ATAD2B: variants seen among roughly 807,000 people sequenced by gnomAD.
The protein encoded by ATAD2B is ATPase family AAA domain-containing protein 2B.
ATAD2B carries 40 observed loss-of-function variants against 167.6 expected under a neutral mutation model. The observed-to-expected ratio is 0.24, with a 90% CI of 0.19 to 0.31. ATAD2B has a LOEUF of 0.31. ATAD2B is among the 10% of genes least tolerant of loss of function. The probability of loss-of-function intolerance (pLI) is 1.00; values close to 1 mark genes in which losing one functional copy is unlikely to be tolerated. For synonymous variants in ATAD2B, 579 were observed against 596.5 expected (o/e 0.97, Z 0.43); for missense variants, 1,242 against 1,757.2 (o/e 0.71, Z 5.24).
chr2:23,804,506 A>T (rs1469498260), intron 18 of ATAD2B, among the ~76,000 whole-genome samples: 1 of 152,110 alleles, frequency 6.6e-6, no homozygotes, highest in African/African-American at 2.4e-5. Context: ...AAATACAACC[A>T]AAATGATAGT....
chr2:23,813,290 TTTATAAGTCATATAAATTA>T (rs1685904349), intron 17 of ATAD2B, among the ~76,000 whole-genome samples: 1 of 127,442 alleles, frequency 7.8e-6, no homozygotes, highest in Admixed American at 9.0e-5. Flanking sequence ...TTATAAAATA[TTTATAAGTCATATAAATTA>T]TGTTGTTATT....
chr2:23,907,715 A>T (rs1331616609), intron 1 of ATAD2B, among the ~76,000 whole-genome samples: 1 of 152,246 alleles, frequency 6.6e-6, no homozygotes, highest in Non-Finnish European at 1.5e-5. Flanking sequence ...AGCTGGAGGC[A>T]TCACACTACG....
intron 1 of ATAD2B, among the ~76,000 whole-genome samples, chr2:23,914,767 C>T (rs191980218): frequency 9.3e-5 from 14 of 150,470 alleles, no homozygotes; most frequent in Admixed American, 4.7e-4. Flanking sequence ...GCGTGAACCC[C>T]GGGGGGCGGA....
rs543525250 is a variant in ATAD2B, at chr2:23,832,296, C to G, written c.1728+1623G>C. The stretch of plus-strand genomic sequence containing the variant: ...CTATTTAAGGGAAAAAGGTAAACAG[C>G]CAGCATAGGCCTTTCCACAGACCCA... On this transcript the variant is annotated intron_variant, in intron 14 of 27. Coordinates refer to ENST00000238789, the MANE Select transcript of ATAD2B (RefSeq NM_017552.4). 3 of 458,974 alleles carry G rather than the reference C, an allele frequency of 6.5e-6. No individual in the cohort carries two copies. The Admixed American group carries it at 7.4e-5, about 11-fold the overall frequency. 28.4% of individuals were successfully genotyped at this position (458,974 alleles called of 1,614,324 possible). A position where few individuals can be genotyped will look rare whatever the true frequency, so the allele number is the denominator to read the frequency against.
intron 18 of ATAD2B, among the ~76,000 whole-genome samples, chr2:23,801,631 C>A (rs1163195953): frequency 6.6e-6 from 1 of 152,030 alleles, no homozygotes; most frequent in African/African-American, 2.4e-5. Flanking sequence ...CATTTTGATT[C>A]TTTATTACAA....
chr2:23,695,565 T>C, the ATAD2B span: 1 of 1,230,610 alleles, frequency 8.1e-7, no homozygotes, highest in Non-Finnish European at 1.1e-6. The surrounding 1 kb of genome is among the most constrained non-coding windows in gnomAD (Gnocchi z 7.6). Context: ...TTTCTTTCCG[T>C]CCGGGAGGTG....
In ATAD2B at chr2:23,758,035, A is replaced by G. The variant is rs1676153470; in HGVS notation, c.3461T>C (p.Val1154Ala). 6.2e-7 allele frequency: 1 copy of G among 1,608,284 alleles called. No individual in the cohort carries two copies. Among genetic ancestry groups the G allele is most frequent in the African/African-American group, 1.3e-5 (1 of 74,400 alleles). ...WGKGIIKKRK[V>A]NNLKKDEEDT... ...TTCTTCATCTTTTTTTAAATTATTA[A>G]CTTTCCTTTTCTTAATAATTCCTTT... Residue 1154 changes from valine (V) to alanine (A), a missense_variant, in exon 25 of 28, where the codon GTT (valine) becomes GCT (alanine). Transcript: ENST00000238789.
intron 1 of ATAD2B, among the ~76,000 whole-genome samples, chr2:23,911,993 A>T (rs1221480335): frequency 6.6e-6 from 1 of 151,888 alleles, no homozygotes; most frequent in Non-Finnish European, 1.5e-5. Flanking sequence ...AAAAAAAAAA[A>T]AGTAGAAGAT....
At chr2:23,771,082 T>C (rs1334235601) in intron 22 of ATAD2B, among the ~76,000 whole-genome samples, 2 of 152,238 alleles carry the variant, frequency 1.3e-5, no homozygotes, top group Non-Finnish European at 2.9e-5. Context: ...ATGTTATTTT[T>C]TGATGTTATT....
At chr2:23,915,185 AAAT>A (rs917078733) in intron 1 of ATAD2B, among the ~76,000 whole-genome samples, 3 of 152,192 alleles carry the variant, frequency 2.0e-5, no homozygotes, top group African/African-American at 7.2e-5. Context: ...TGTTAAGAGA[AAAT>A]AATAAAATAA....
chr2:23,712,927 A>T, the ATAD2B span, among the ~76,000 whole-genome samples: 1 of 152,130 alleles, frequency 6.6e-6, no homozygotes, highest in African/African-American at 2.4e-5. Context: ...CTAGGTCGGT[A>T]AGACTGCCTT....
intron 11 of ATAD2B, among the ~76,000 whole-genome samples, chr2:23,864,059 C>T (rs1367751177): frequency 6.6e-6 from 1 of 151,492 alleles, no homozygotes; most frequent in Non-Finnish European, 1.5e-5. Context: ...CTCACTGTCA[C>T]CCAGGCGCAA....
the ATAD2B span, among the ~76,000 whole-genome samples, chr2:23,686,820 G>A: frequency 1.3e-5 from 2 of 152,154 alleles, no homozygotes; most frequent in South Asian, 4.2e-4. Context: ...ATACAGTAAG[G>A]TCACACAGGA....
At chr2:23,715,466 C>T in the ATAD2B span, among the ~76,000 whole-genome samples, 2 of 151,460 alleles carry the variant, frequency 1.3e-5, no homozygotes, top group Non-Finnish European at 2.9e-5. Context: ...CCCAGCTACT[C>T]GGGAGGCTGA....
chr2:23,914,426 A>AT (rs1702729736), intron 1 of ATAD2B, among the ~76,000 whole-genome samples: 1 of 152,180 alleles, frequency 6.6e-6, no homozygotes, highest in Non-Finnish European at 1.5e-5. Context: ...CTTAACAGGC[A>AT]TTTTAGAGAG....
At chr2:23,799,496 C>T (rs1212700912) in intron 18 of ATAD2B, among the ~76,000 whole-genome samples, 3 of 144,800 alleles carry the variant, frequency 2.1e-5, no homozygotes, top group African/African-American at 5.1e-5. Flanking sequence ...TCACTTGAAC[C>T]CGGGAGGTGG....
At chr2:23,730,470 T>G in the ATAD2B span, among the ~76,000 whole-genome samples, 1 of 151,262 alleles carries the variant, frequency 6.6e-6, no homozygotes, top group African/African-American at 2.4e-5. Context: ...ATCGAGACCA[T>G]CCTGGCTAAC....
chr2:23,873,686 C>T (rs1272962325), intron 8 of ATAD2B, among the ~76,000 whole-genome samples: 1 of 152,170 alleles, frequency 6.6e-6, no homozygotes, highest in Non-Finnish European at 1.5e-5. Context: ...GTTGCATTCA[C>T]AGATGCAGAA....
intron 1 of ATAD2B, among the ~76,000 whole-genome samples, chr2:23,906,415 C>T (rs756059900): frequency 2.0e-5 from 3 of 152,024 alleles, no homozygotes; most frequent in Non-Finnish European, 4.4e-5. Context: ...GCATGCCAAC[C>T]GGTTAAATAT....
Sources: allele counts gnomAD v4.1 joint callset (sites outside exome capture counted in the v4.1 genomes callset), GRCh38; gene constraint gnomAD v4.1.1; non-coding constraint Gnocchi (gnomAD v3.1); transcripts MANE v1.5; gene names NCBI Gene and HGNC (gene_info 2026-07-23, HGNC 2026-07-21).